CSMD1: variants seen among roughly 807,000 people sequenced by gnomAD.
CSMD1 encodes the protein CUB and sushi domain-containing protein 1.
Under a neutral mutation model 417.5 loss-of-function variants are expected in CSMD1, and 213 were observed. The ratio of observed to expected loss-of-function variants is 0.51; its 90% CI spans 0.46 to 0.57. The LOEUF is 0.57. CSMD1 is among the 20% of genes least tolerant of loss of function. The probability of loss-of-function intolerance (pLI) is 0.00; values close to 1 mark genes in which losing one functional copy is unlikely to be tolerated. For synonymous variants in CSMD1, 2,862 were observed against 1,736.8 expected, an observed-to-expected ratio of 1.65 and a Z score of -16.11; for missense variants, 6,923 against 4,529.7, an observed-to-expected ratio of 1.53 and a Z score of -15.17.
chr8:4,309,349 G>GA (rs1304258635), intron 3 of CSMD1, among the ~76,000 whole-genome samples: 3 of 151,904 alleles, frequency 2.0e-5, no homozygotes, highest in Middle Eastern at 3.4e-3. Context: ...GTTTTTTTAG[G>GA]AAAAAAACTA....
intron 3 of CSMD1, among the ~76,000 whole-genome samples, chr8:4,203,364 C>A (rs898435901): frequency 2.0e-5 from 3 of 152,130 alleles, no homozygotes; most frequent in Non-Finnish European, 4.4e-5. Context: ...AGCCTTCCAA[C>A]CTGTGGAAAT....
At chr8:3,082,551 A>T (rs938214711) in intron 49 of CSMD1, among the ~76,000 whole-genome samples, 1 of 152,192 alleles carries the variant, frequency 6.6e-6, no homozygotes, top group Non-Finnish European at 1.5e-5. Flanking sequence ...CAGAGCCATA[A>T]GAGCTGGGAA....
intron 5 of CSMD1, among the ~76,000 whole-genome samples, chr8:3,769,224 A>C (rs1798447564): frequency 1.3e-5 from 2 of 152,172 alleles, no homozygotes; most frequent in African/African-American, 2.4e-5. Context: ...CACCTACAAC[A>C]CTCGAAGGCA....
At chr8:4,500,969 T>C (rs1299052554) in intron 2 of CSMD1, among the ~76,000 whole-genome samples, 1 of 152,144 alleles carries the variant, frequency 6.6e-6, no homozygotes, top group Non-Finnish European at 1.5e-5. Context: ...CTTTGATTTG[T>C]ATGCACCAAG....
intron 12 of CSMD1, among the ~76,000 whole-genome samples, chr8:3,415,894 T>G (rs1813113404): frequency 6.6e-6 from 1 of 152,194 alleles, no homozygotes; most frequent in Admixed American, 6.5e-5. Context: ...ATAAGTGAGA[T>G]TTTTTAAATT....
intron 1 of CSMD1, among the ~76,000 whole-genome samples, chr8:4,887,012 G>A (rs944116411): frequency 7.3e-5 from 11 of 151,552 alleles, no homozygotes; most frequent in South Asian, 4.2e-4. Context: ...CCTTCCTCTT[G>A]CTTGGTTTGT....
At chr8:3,447,730 C>G (rs761712957) in intron 12 of CSMD1, among the ~76,000 whole-genome samples, 1 of 152,162 alleles carries the variant, frequency 6.6e-6, no homozygotes, top group Non-Finnish European at 1.5e-5. Flanking sequence ...CAGGGATGGA[C>G]AGGTCACTTG....
intron 6 of CSMD1, among the ~76,000 whole-genome samples, chr8:3,724,035 TTCTA>T (rs1183757254): frequency 1.8e-5 from 1 of 54,098 alleles, no homozygotes; most frequent in African/African-American, 3.4e-5. Context: ...TTTTTCAACT[TTCTA>T]TCTGTGTAAA....
chr8:4,475,572 C>A (rs1357597350), intron 2 of CSMD1, among the ~76,000 whole-genome samples: 1 of 152,038 alleles, frequency 6.6e-6, no homozygotes, highest in Admixed American at 6.6e-5. Context: ...TTAAATACCA[C>A]CCAGGCACAA....
At chr8:3,290,734 A>G (rs12549510) in intron 25 of CSMD1, among the ~76,000 whole-genome samples, 75,836 of 146,150 alleles carry the variant, frequency 0.52, 22,708 homozygotes, top group South Asian at 0.63. Context: ...GGCTGAGACA[A>G]TGGGGTTTTC....
In CSMD1 at chr8:4,032,085, T is replaced by C. The variant is rs1797377104; in HGVS notation, c.430A>G (p.Thr144Ala). 6.2e-7 allele frequency: 1 copy of C among 1,611,358 alleles called. No individual in the cohort carries two copies. Among genetic ancestry groups the C allele is most frequent in the Non-Finnish European group, 8.5e-7 (1 of 1,178,070 alleles). The change falls in exon 4 of 70, where the codon ACT (threonine) becomes GCT (alanine). Residue 144 changes from threonine (T) to alanine (A), a missense_variant. Coordinates refer to ENST00000635120, the MANE Select transcript of CSMD1 (RefSeq NM_033225.6). ...KALYEVLPSH[T>A]CGNPGEILKG... is the part of the protein sequence containing the mutation. ...AGGATTTCTCCAGGATTTCCACAAGTGTGGCTAGGTAAAACTATTGGAAAA... is the reference window on the plus strand; with the variant it reads ...AGGATTTCTCCAGGATTTCCACAAGCGTGGCTAGGTAAAACTATTGGAAAA...
intron 12 of CSMD1, among the ~76,000 whole-genome samples, chr8:3,460,808 G>A (rs532481621): frequency 2.6e-5 from 4 of 152,248 alleles, no homozygotes; most frequent in South Asian, 2.1e-4. Flanking sequence ...CAATGATGCC[G>A]CACTCTGGGT....
chr8:3,118,640 T>C (rs1463582364), intron 41 of CSMD1, 53 bp from the exon 42 acceptor site: 13 of 1,528,630 alleles, frequency 8.5e-6, no homozygotes. Flanking sequence ...GTTAAATTAC[T>C]TCGGAATTTG....
chr8:4,064,160 A>G (rs1033041031), intron 3 of CSMD1, among the ~76,000 whole-genome samples: 1 of 152,186 alleles, frequency 6.6e-6, no homozygotes, highest in African/African-American at 2.4e-5. Flanking sequence ...CAAAAGTTTG[A>G]CTATGAAAAG....
At chr8:4,586,190 T>G (rs991908762) in intron 2 of CSMD1, among the ~76,000 whole-genome samples, 20 of 152,328 alleles carry the variant, frequency 1.3e-4, no homozygotes, top group African/African-American at 4.6e-4. Context: ...TTTGGTTATT[T>G]TTAAATACAT....
At chr8:3,912,761 G>T (rs1808547555) in intron 5 of CSMD1, among the ~76,000 whole-genome samples, 1 of 152,186 alleles carries the variant, frequency 6.6e-6, no homozygotes, top group Non-Finnish European at 1.5e-5. Context: ...GTCTGCTCTT[G>T]TAGCTCAAGG....
At chr8:3,707,009 G>A (rs1282965277) in intron 7 of CSMD1, among the ~76,000 whole-genome samples, 1 of 150,262 alleles carries the variant, frequency 6.7e-6, no homozygotes, top group African/African-American at 2.4e-5. Context: ...TTTTTCTTTT[G>A]GAAGTGGGAG....
At chr8:4,228,142 C>T (rs76179847) in intron 3 of CSMD1, among the ~76,000 whole-genome samples, 1,907 of 152,298 alleles carry the variant, frequency 0.013, 44 homozygotes, top group African/African-American at 0.044. Flanking sequence ...CTCCATCCTG[C>T]ATTAAATGCC....
intron 5 of CSMD1, among the ~76,000 whole-genome samples, chr8:3,861,362 A>T (rs1287652419): frequency 1.3e-5 from 2 of 152,232 alleles, no homozygotes; most frequent in African/African-American, 2.4e-5. Flanking sequence ...TAAAAGTAAA[A>T]TATGAGCTGT....
Sources: gnomAD v4.1 joint callset for allele counts (sites outside exome capture counted in the v4.1 genomes callset) on GRCh38, gnomAD v4.1.1 for gene constraint, MANE v1.5 for transcripts, NCBI Gene and HGNC (gene_info 2026-07-23, HGNC 2026-07-21) for gene names.